PRELID2: variants seen among roughly 807,000 people sequenced by gnomAD.
PRELID2 encodes PRELI domain containing 2, also known as PRELI domain-containing protein 2.
A neutral mutation model predicts 28.4 loss-of-function variants in PRELID2; 25 were observed. The observed-to-expected ratio is 0.88, with a 90% CI of 0.64 to 1.23. The LOEUF is 1.23. Among genes scored for constraint, PRELID2 ranks in the 50% most tolerant of loss-of-function variants. The pLI is 0.00. For synonymous variants in PRELID2, 76 were observed against 71.6 expected (o/e 1.06, Z -0.31); for missense variants, 201 against 214.4 (o/e 0.94, Z 0.39).
intron 1 of PRELID2, among the ~76,000 whole-genome samples, chr5:145,710,677 G>C (rs1015660376): frequency 6.6e-6 from 1 of 152,220 alleles, no homozygotes; most frequent in Non-Finnish European, 1.5e-5. Flanking sequence ...TGTTCTTACT[G>C]TTCTACAAGA....
At chr5:145,811,592 G>T (rs1490624957) in intron 4 of PRELID2, among the ~76,000 whole-genome samples, 1 of 152,186 alleles carries the variant, frequency 6.6e-6, no homozygotes, top group Non-Finnish European at 1.5e-5. Context: ...GCAGAGGTAG[G>T]ATTCTAAACG....
intron 1 of PRELID2, among the ~76,000 whole-genome samples, chr5:145,620,756 C>G (rs562875794): frequency 4.8e-5 from 1 of 20,640 alleles, no homozygotes; most frequent in African/African-American, 6.6e-4. Context: ...GGAGAATCAC[C>G]TGATCCCAGA....
At chr5:145,663,181 G>C (rs571230924) in intron 1 of PRELID2, among the ~76,000 whole-genome samples, 2 of 152,170 alleles carry the variant, frequency 1.3e-5, no homozygotes, top group South Asian at 4.1e-4. Flanking sequence ...TCTAGCTAGA[G>C]AACCAAGATG....
intron 1 of PRELID2, among the ~76,000 whole-genome samples, chr5:145,590,156 A>T (rs1471884179): frequency 1.3e-5 from 2 of 152,102 alleles, no homozygotes; most frequent in Non-Finnish European, 2.9e-5. Context: ...TTAAAAACTA[A>T]GCTATTTCTA....
Position 145,766,216 on chromosome 5 carries a change from G to A in PRELID2, c.475-1216C>T, listed in dbSNP as rs143772488. ...AGGGAGCTGCTATTTTCAGAGATCT[G>A]AGCCTGAGAATTCTTGCAGAGAAGA... On this transcript the variant is annotated intron_variant, in intron 5 of 6. Transcript: ENST00000683046. 2.0e-3 allele frequency among the ~76,000 whole-genome samples: 309 copies of A among 152,264 alleles called. 2 individuals are homozygous for A. Among genetic ancestry groups the A allele is most frequent in the Middle Eastern group, 0.01 (3 of 294 alleles).
At chr5:145,416,892 C>T in the PRELID2 span, among the ~76,000 whole-genome samples, 2 of 151,840 alleles carry the variant, frequency 1.3e-5, no homozygotes, top group African/African-American at 2.4e-5. Context: ...TCATCTGAGT[C>T]AAAGAAAGTC....
At chr5:145,437,765 G>A in the PRELID2 span, among the ~76,000 whole-genome samples, 6 of 152,022 alleles carry the variant, frequency 3.9e-5, no homozygotes, top group African/African-American at 1.4e-4. Flanking sequence ...TGTTTTTAGA[G>A]ATAAGAACCT....
chr5:145,803,403 T>TCACA (rs150866010), intron 4 of PRELID2, among the ~76,000 whole-genome samples: 4,678 of 150,604 alleles, frequency 0.031, 85 homozygotes, highest in Middle Eastern at 0.092. Context: ...ACGTGTAAAA[T>TCACA]CACACACACA....
At chr5:145,340,770 CATATATATAT>C in the PRELID2 span, among the ~76,000 whole-genome samples, 2,209 of 116,562 alleles carry the variant, frequency 0.019, 80 homozygotes, top group African/African-American at 0.063. Context: ...TAAAAATATA[CATATATATAT>C]ATATATATAT....
the PRELID2 span, among the ~76,000 whole-genome samples, chr5:145,418,886 C>G: frequency 2.0e-5 from 3 of 146,482 alleles, no homozygotes; most frequent in East Asian, 2.0e-4. Context: ...CCCCTACCCC[C>G]ACCCCACAAC....
At chr5:145,709,947 T>A (rs968859452) in intron 1 of PRELID2, among the ~76,000 whole-genome samples, 1 of 152,162 alleles carries the variant, frequency 6.6e-6, no homozygotes, top group Non-Finnish European at 1.5e-5. Context: ...CCCATTTAAT[T>A]TCTGTCCCTG....
At chr5:145,313,279 T>G in the PRELID2 span, among the ~76,000 whole-genome samples, 1 of 152,252 alleles carries the variant, frequency 6.6e-6, no homozygotes, top group Non-Finnish European at 1.5e-5. Context: ...TTATTATTTT[T>G]TAAAAAGTGA....
At chr5:145,350,759 T>G in the PRELID2 span, among the ~76,000 whole-genome samples, 1 of 152,130 alleles carries the variant, frequency 6.6e-6, no homozygotes, top group Non-Finnish European at 1.5e-5. Flanking sequence ...CTCCTATATG[T>G]AAGATTCCTG....
chr5:145,489,592 A>G (rs780593747), intron 1 of PRELID2, among the ~76,000 whole-genome samples: 1 of 152,294 alleles, frequency 6.6e-6, no homozygotes, highest in Non-Finnish European at 1.5e-5. Context: ...TCCCTGTAAC[A>G]ACAAAGCCCT....
intron 1 of PRELID2, among the ~76,000 whole-genome samples, chr5:145,528,114 A>G (rs557989817): frequency 9.4e-4 from 143 of 152,258 alleles, no homozygotes; most frequent in African/African-American, 3.2e-3. Context: ...CTTTCTCAGG[A>G]AAGACTTCTT....
At chr5:145,563,469 A>G (rs953039864) in intron 1 of PRELID2, among the ~76,000 whole-genome samples, 29 of 152,186 alleles carry the variant, frequency 1.9e-4, no homozygotes, top group African/African-American at 7.0e-4. Flanking sequence ...ATTTCAATAA[A>G]AAGTCATGAT....
intron 1 of PRELID2, among the ~76,000 whole-genome samples, chr5:145,544,412 T>C (rs757352742): frequency 6.6e-6 from 1 of 152,152 alleles, no homozygotes; most frequent in Non-Finnish European, 1.5e-5. Flanking sequence ...GGTACAAATG[T>C]GCTGGTCAAA....
the PRELID2 span, among the ~76,000 whole-genome samples, chr5:145,421,054 G>A: frequency 1.7e-4 from 25 of 150,624 alleles, no homozygotes; most frequent in South Asian, 1.5e-3. Flanking sequence ...TGCGTATATT[G>A]AACCAGCCTT....
chr5:145,459,964 C>G, the PRELID2 span, among the ~76,000 whole-genome samples: 9 of 152,018 alleles, frequency 5.9e-5, no homozygotes, highest in Non-Finnish European at 7.4e-5. Context: ...GGGCATGCCA[C>G]CACTCCCAGC....
Sources: gnomAD v4.1 joint callset for allele counts (sites outside exome capture counted in the v4.1 genomes callset) on GRCh38, gnomAD v4.1.1 for gene constraint, MANE v1.5 for transcripts, NCBI Gene and HGNC (gene_info 2026-07-23, HGNC 2026-07-21) for gene names.